BRI3: variants seen among roughly 807,000 people sequenced by gnomAD.
The protein encoded by BRI3 is membrane protein BRI3.
BRI3 carries 6 observed loss-of-function variants against 12.8 expected under a neutral mutation model. The ratio of observed to expected loss-of-function variants is 0.47; its 90% CI spans 0.26 to 0.93. BRI3 has a LOEUF of 0.93. Among genes scored for constraint, BRI3 ranks in the 40% least tolerant of loss-of-function variants. BRI3 has a pLI of 0.15. For synonymous variants in BRI3, 91 were observed against 76.1 expected (o/e 1.20, Z -1.02); for missense variants, 134 against 171.1 (o/e 0.78, Z 1.21).
At chr7:98,293,327 C>A, downstream of BRI3, 2 of 537,798 alleles carry the variant, frequency 3.7e-6, no homozygotes, top group South Asian at 2.6e-5. Flanking sequence ...TAGACTATTA[C>A]TCATTTATCT....
chr7:98,323,270 A>G, the BRI3 span: 1 of 152,180 alleles, frequency 6.6e-6, no homozygotes, highest in Admixed American at 6.6e-5. Flanking sequence ...ATACAAACTC[A>G]GTTACTTTCA....
chr7:98,282,274 G>A (rs1799545438), intron 1 of BRI3, 77 bp from the exon 2 acceptor site: 4 of 1,256,544 alleles, frequency 3.2e-6, no homozygotes, highest in Non-Finnish European at 4.6e-6. Context: ...TGGAGGTTGA[G>A]GGGACAGGAT....
chr7:98,294,098 C>G, downstream of BRI3: 1 of 1,614,104 alleles, frequency 6.2e-7, no homozygotes, highest in South Asian at 1.1e-5. Flanking sequence ...CTTTGCAGTC[C>G]CGTTGGCATC....
upstream of BRI3, chr7:98,304,349 G>A (rs555687728): frequency 5.7e-5 from 92 of 1,613,480 alleles, 1 homozygote; most frequent in East Asian, 8.9e-5. Flanking sequence ...ACAAGTTCAC[G>A]GTGCTGATGC....
At chr7:98,317,802 C>T in the BRI3 span, among the ~76,000 whole-genome samples, 2 of 151,816 alleles carry the variant, frequency 1.3e-5, no homozygotes, top group Non-Finnish European at 2.9e-5. Context: ...GCTCATTTCA[C>T]ACCATCTTTA....
downstream of BRI3, among the ~76,000 whole-genome samples, chr7:98,314,569 G>C (rs536857248): frequency 1.3e-5 from 2 of 152,298 alleles, no homozygotes; most frequent in African/African-American, 4.8e-5. Context: ...CTGGGGGTTC[G>C]AACCTCACAG....
downstream of BRI3, among the ~76,000 whole-genome samples, chr7:98,313,536 C>A (rs1800957024): frequency 6.6e-6 from 1 of 152,166 alleles, no homozygotes; most frequent in African/African-American, 2.4e-5. Flanking sequence ...CTAAAGTGAA[C>A]TCTACATTCC....
downstream of BRI3, chr7:98,293,659 G>A: frequency 6.6e-7 from 1 of 1,508,964 alleles, no homozygotes; most frequent in East Asian, 2.2e-5. Flanking sequence ...GATTTTAACA[G>A]TGCTAATAAC....
In BRI3 at chr7:98,284,807, C is replaced by T. The variant is rs182446039; in HGVS notation, c.245+2354C>T. Among the ~76,000 whole-genome samples the T allele has an allele frequency of 2.2e-4, 34 of 152,322 alleles. No individual in the cohort carries two copies. The East Asian group carries it at 5.6e-3, about 25-fold the overall frequency. ...ATGAGGAAGCATTTCCGCAGCCTGG[C>T]GGCGGATATGTCCCTGCTCCTCCCA... On this transcript the variant is annotated intron_variant, in intron 2 of 2. Coordinates refer to ENST00000297290, the MANE Select transcript of BRI3 (RefSeq NM_015379.5).
At chr7:98,318,730 G>A in the BRI3 span, among the ~76,000 whole-genome samples, 2 of 151,358 alleles carry the variant, frequency 1.3e-5, no homozygotes, top group South Asian at 4.3e-4. Context: ...GCACCACGAG[G>A]TCAGAAGTTT....
rs566046751 is a variant in BRI3, at chr7:98,300,334, C to T, written c.72-6149C>T. Among the ~76,000 whole-genome samples, 10 of 152,290 alleles carry T rather than the reference C, an allele frequency of 6.6e-5. No homozygotes were observed. In the East Asian group the frequency reaches 1.5e-3, roughly 23 times the overall value. ...AGGCTGTTTCCCACAGCTGCGCTCCCGGAACTCCTGACTGGGATTGGTCTG... is the reference window on the plus strand; with the variant it reads ...AGGCTGTTTCCCACAGCTGCGCTCCTGGAACTCCTGACTGGGATTGGTCTG... On this transcript the variant is annotated intron_variant and NMD_transcript_variant, in intron 1 of 2. Coordinates refer to the BRI3 transcript ENST00000491463.
the BRI3 span, among the ~76,000 whole-genome samples, chr7:98,316,040 G>A: frequency 6.6e-6 from 1 of 152,168 alleles, no homozygotes; most frequent in African/African-American, 2.4e-5. Context: ...CTATGTGTTT[G>A]GGGAGGGACC....
downstream of BRI3, among the ~76,000 whole-genome samples, chr7:98,297,937 TA>T (rs1800258094): frequency 2.0e-5 from 3 of 152,016 alleles, no homozygotes; most frequent in South Asian, 6.2e-4. Flanking sequence ...ATACGTAAAT[TA>T]AAAAAATTCA....
downstream of BRI3, among the ~76,000 whole-genome samples, chr7:98,297,269 AC>A (rs937607911): frequency 6.6e-6 from 1 of 152,210 alleles, no homozygotes; most frequent in African/African-American, 2.4e-5. Context: ...TGCCTGGTCC[AC>A]ACCCCCTTCC....
At chr7:98,308,514 G>C in exon 2 of BRI3, 1 of 354,004 alleles carries the variant, frequency 2.8e-6, no homozygotes, top group Non-Finnish European at 5.6e-6. Flanking sequence ...TTATCCACAG[G>C]ACAGACCCCA....
At chr7:98,304,321 C>T, upstream of BRI3, 2 of 1,613,498 alleles carry the variant, frequency 1.2e-6, no homozygotes, top group Non-Finnish European at 1.7e-6. Context: ...GGGGGGATGA[C>T]AACACTGCTA....
downstream of BRI3, among the ~76,000 whole-genome samples, chr7:98,294,317 C>T (rs1197048265): frequency 6.6e-6 from 1 of 152,050 alleles, no homozygotes; most frequent in African/African-American, 2.4e-5. Flanking sequence ...TTAATAAGAC[C>T]CGAAGGTAAA....
exon 2 of BRI3, chr7:98,309,388 C>T (rs934045828): frequency 1.3e-5 from 2 of 151,524 alleles, no homozygotes; most frequent in Non-Finnish European, 2.9e-5. Context: ...CTCCTGACAT[C>T]GAGATCCACC....
At chr7:98,320,333 A>G in the BRI3 span, 1 of 1,502,146 alleles carries the variant, frequency 6.7e-7, no homozygotes, top group Non-Finnish European at 9.1e-7. Context: ...GCGGGAAGCC[A>G]TTGCGTATTT....
Sources: gnomAD v4.1 joint callset for allele counts (sites outside exome capture counted in the v4.1 genomes callset) on GRCh38, gnomAD v4.1.1 for gene constraint, MANE v1.5 for transcripts, NCBI Gene and HGNC (gene_info 2026-07-23, HGNC 2026-07-21) for gene names.